LRATD1: variants seen among roughly 807,000 people sequenced by gnomAD.
The protein encoded by LRATD1 is protein LRATD1.
Under a neutral mutation model 21.3 loss-of-function variants are expected in LRATD1, and 8 were observed. The ratio of observed to expected loss-of-function variants is 0.38; its 90% CI spans 0.22 to 0.68. The LOEUF (loss-of-function observed/expected upper bound fraction) is 0.68. LRATD1 is among the 30% of genes least tolerant of loss of function. The probability of loss-of-function intolerance (pLI) is 0.54; values close to 1 mark genes in which losing one functional copy is unlikely to be tolerated. For synonymous variants in LRATD1, 210 were observed against 186.2 expected, an observed-to-expected ratio of 1.13 and a Z score of -1.04; for missense variants, 380 against 404.0, an observed-to-expected ratio of 0.94 and a Z score of 0.51.
At chr2:14,640,048 G>A (rs529043057), downstream of LRATD1, 4 of 167,064 alleles carry the variant, frequency 2.4e-5, no homozygotes, top group Admixed American at 1.3e-4. Context: ...AGTAGAAAAT[G>A]TTCTCTTGTC....
In LRATD1 at chr2:14,633,696, G is replaced by A. The variant is rs1558253760; in HGVS notation, c.-36-248G>A. Reference sequence around the variant, plus strand: ...CAGCCAGCCTGGGTGTTTTCTTCTGGGAGTTGGACCGAGTTCCCGGAAGGG... The same window carrying A: ...CAGCCAGCCTGGGTGTTTTCTTCTGAGAGTTGGACCGAGTTCCCGGAAGGG... On this transcript the variant is annotated intron_variant, in intron 1 of 1. Transcript: ENST00000295092. This position sits in a 1 kb window ranked among gnomAD's most constrained non-coding sequence, Gnocchi z 7.5. 4.7e-6 allele frequency: 2 copies of A among 426,402 alleles called. No homozygotes were observed. Among genetic ancestry groups the A allele is most frequent in the East Asian group, 7.2e-5 (2 of 27,794 alleles). The allele number at this position is 426,402 out of a possible 1,614,324, so 26.4% of individuals were successfully genotyped here.
At chr2:14,647,871 A>C (rs2103414373) in intron 4 of LRATD1, among the ~76,000 whole-genome samples, 1 of 152,270 alleles carries the variant, frequency 6.6e-6, no homozygotes, top group South Asian at 2.1e-4. Context: ...ACTGCATCTA[A>C]GCTGCACTGA....
chr2:14,645,014 G>A (rs1671870573), downstream of LRATD1, among the ~76,000 whole-genome samples: 1 of 152,150 alleles, frequency 6.6e-6, no homozygotes, highest in East Asian at 1.9e-4. Flanking sequence ...CAATTTTAAA[G>A]CATATTGTGT....
rs1387459936 is a variant in LRATD1, at chr2:14,638,991, CAT to C, written c.*4136_*4137del. On this transcript the variant is annotated 3_prime_UTR_variant, in exon 2 of 2. Transcript: ENST00000295092. ...GTACATGTATACATATACATACACA[CAT>C]ATGTACATTTACACATATGTAAGTA... The C allele has an allele frequency of 4.2e-5, 7 of 166,562 alleles. No individual in the cohort carries two copies. Among genetic ancestry groups the C allele is most frequent in the East Asian group, 3.8e-4 (2 of 5,198 alleles). The allele number at this position is 166,562 out of a possible 1,614,324, so 10.3% of individuals were successfully genotyped here.
At chr2:14,644,856 G>T (rs1190013522), downstream of LRATD1, among the ~76,000 whole-genome samples, 2 of 152,154 alleles carry the variant, frequency 1.3e-5, no homozygotes, top group Non-Finnish European at 2.9e-5. Flanking sequence ...TTGGAGCTAT[G>T]AGGACAACTA....
At chr2:14,641,553 C>T (rs1671805747), downstream of LRATD1, among the ~76,000 whole-genome samples, 1 of 152,156 alleles carries the variant, frequency 6.6e-6, no homozygotes, top group African/African-American at 2.4e-5. Context: ...CTCTACCCCT[C>T]TAGCTCCTCT....
chr2:14,648,024 C>T lies in LRATD1; in HGVS notation n.437-1292C>T, dbSNP rs971271958. ...ACTTCCCAATGCTTACAGTTAACTT[C>T]TCTGCCCTTTCAACTGAAAACTCTA... On this transcript the variant is annotated intron_variant and non_coding_transcript_variant, in intron 4 of 5. Transcript: ENST00000464947. Among the ~76,000 whole-genome samples the T allele has an allele frequency of 2.0e-5, 3 of 152,272 alleles. 1 individual carries two copies. Among genetic ancestry groups the T allele is most frequent in the Admixed American group, 2.0e-4 (3 of 15,284 alleles).
At chr2:14,649,338 C>G (rs1474485658) in exon 5 of LRATD1, 1 of 456,424 alleles carries the variant, frequency 2.2e-6, no homozygotes, top group Non-Finnish European at 4.4e-6. Context: ...GGATCTTTGT[C>G]TCATGGATGC....
Position 14,634,924 on chromosome 2 carries a change from G to T in LRATD1, c.*66G>T. On this transcript the variant is annotated 3_prime_UTR_variant, in exon 2 of 2. Coordinates refer to ENST00000295092, the MANE Select transcript of LRATD1 (RefSeq NM_145175.4). ...CGCTCCCTTCCCTTCCCCGCACCCG[G>T]ACTTCGCAGTCAGCGGTTCTCAACC... 2.6e-6 allele frequency: 4 copies of T among 1,518,914 alleles called. No individual in the cohort carries two copies. The highest frequency in any genetic ancestry group is 3.5e-6 in the Non-Finnish European group (4 of 1,128,340). 94.1% of individuals were successfully genotyped at this position (1,518,914 alleles called of 1,614,324 possible).
At chr2:14,641,238 G>A (rs1572300650), downstream of LRATD1, among the ~76,000 whole-genome samples, 1 of 152,068 alleles carries the variant, frequency 6.6e-6, no homozygotes, top group Non-Finnish European at 1.5e-5. Flanking sequence ...TGTCTTTTAA[G>A]GCCAGAGTCA....
At chr2:14,647,779 C>T (rs1030335896) in intron 4 of LRATD1, among the ~76,000 whole-genome samples, 12 of 152,102 alleles carry the variant, frequency 7.9e-5, no homozygotes, top group African/African-American at 2.9e-4. Flanking sequence ...TCACTCAGTT[C>T]ATGGTATTTT....
chr2:14,633,926 C>T lies in LRATD1; in HGVS notation c.-36-18C>T. 1.3e-6 allele frequency: 2 copies of T among 1,565,972 alleles called. No homozygotes were observed. Among genetic ancestry groups the T allele is most frequent in the South Asian group, 2.4e-5 (2 of 83,176 alleles). On this transcript the variant is annotated intron_variant, in intron 1 of 1. Coordinates refer to ENST00000295092, the MANE Select transcript of LRATD1 (RefSeq NM_145175.4). This position sits in a 1 kb window ranked among gnomAD's most constrained non-coding sequence, Gnocchi z 7.5. ...GCCCGGACTCTGACGGTGTCTCTGC[C>T]TCTCTGTGCCTCCGCAGATCCCCGC...
chr2:14,644,762 G>A (rs1035232259), downstream of LRATD1, among the ~76,000 whole-genome samples: 2 of 152,022 alleles, frequency 1.3e-5, no homozygotes, highest in South Asian at 4.1e-4. Context: ...AAGGAGAGAG[G>A]CCGAGCTGAT....
chr2:14,648,321 T>C (rs1671930869), intron 4 of LRATD1, among the ~76,000 whole-genome samples: 1 of 152,158 alleles, frequency 6.6e-6, no homozygotes, highest in Non-Finnish European at 1.5e-5. Context: ...AGAGTTTTTT[T>C]CTATGGAAAT....
Position 14,636,966 on chromosome 2 carries a change from G to T in LRATD1, c.*2108G>T, listed in dbSNP as rs912662708. On this transcript the variant is annotated 3_prime_UTR_variant, in exon 2 of 2. Transcript: ENST00000295092. ...AGTATTTTTCTTAAGCCTATTGAGT[G>T]ATTTATTTTTTAAAAAATGTTTAAA... 11 of 166,870 alleles carry T rather than the reference G, an allele frequency of 6.6e-5. No homozygotes were observed. Among genetic ancestry groups the T allele is most frequent in the Non-Finnish European group, 1.2e-4 (8 of 68,104 alleles). 10.3% of individuals were successfully genotyped at this position (166,870 alleles called of 1,614,324 possible).
At position 14,638,213 on chromosome 2, in the gene LRATD1, CAAAAAAAAA is replaced by C. The variant is rs879025258; in HGVS notation, c.*3368_*3376del. ...ATGCTGTTATTCTCAAAGTACATTC[CAAAAAAAAA>C]AAAAAAAAAAAACTATAGAATTTAC... On this transcript the variant is annotated 3_prime_UTR_variant, in exon 2 of 2. Transcript: ENST00000295092. 5.5e-4 allele frequency: 47 copies of C among 84,998 alleles called. No homozygotes were observed. In the South Asian group the frequency reaches 0.014, roughly 25 times the overall value. The allele number at this position is 84,998 out of a possible 1,614,324, so 5.3% of individuals were successfully genotyped here.
chr2:14,644,460 G>A (rs1177064680), downstream of LRATD1, among the ~76,000 whole-genome samples: 1 of 152,108 alleles, frequency 6.6e-6, no homozygotes, highest in Non-Finnish European at 1.5e-5. Flanking sequence ...CTATTTTAGA[G>A]TGAGTTTGGT....
intron 2 of LRATD1, among the ~76,000 whole-genome samples, chr2:14,645,796 C>T (rs1671883232): frequency 2.6e-5 from 4 of 152,202 alleles, no homozygotes; most frequent in South Asian, 4.1e-4. Flanking sequence ...GATGAAATAA[C>T]GCAAGGAGGC....
downstream of LRATD1, among the ~76,000 whole-genome samples, chr2:14,643,942 T>C (rs4670012): frequency 0.49 from 74,838 of 152,024 alleles, 21,356 homozygotes; most frequent in African/African-American, 0.8. Context: ...GTATCTGGTC[T>C]ATAGTAGGTC....
Sources: gnomAD v4.1 joint callset for allele counts (sites outside exome capture counted in the v4.1 genomes callset) on GRCh38, gnomAD v4.1.1 for gene constraint, Gnocchi (gnomAD v3.1) non-coding constraint, MANE v1.5 for transcripts, NCBI Gene and HGNC (gene_info 2026-07-23, HGNC 2026-07-21) for gene names.